The following FZR1 variants were observed in gnomAD, a reference collection of about 807,000 sequenced individuals.
FZR1 encodes fizzy and cell division cycle 20 related 1, also known as fizzy-related protein homolog.
FZR1 carries 11 observed loss-of-function variants against 63.6 expected under a neutral mutation model. The observed-to-expected ratio is 0.17, with a 90% CI of 0.11 to 0.29. The LOEUF (loss-of-function observed/expected upper bound fraction) is 0.29. FZR1 is among the 10% of genes least tolerant of loss of function. FZR1 has a pLI of 1.00. For synonymous variants in FZR1, 328 were observed against 297.9 expected, an observed-to-expected ratio of 1.10 and a Z score of -1.04; for missense variants, 440 against 687.5, an observed-to-expected ratio of 0.64 and a Z score of 4.03.
At chr19:3,508,493 G>A (rs184848401) in intron 1 of FZR1, among the ~76,000 whole-genome samples, 1 of 152,194 alleles carries the variant, frequency 6.6e-6, no homozygotes, top group African/African-American at 2.4e-5. Context: ...CACCGCGCTC[G>A]GCCTTACGTT....
chr19:3,531,337 T>C (rs975843950), intron 8 of FZR1, among the ~76,000 whole-genome samples: 8 of 152,024 alleles, frequency 5.3e-5, no homozygotes, highest in African/African-American at 1.9e-4. Flanking sequence ...CCATCCATCT[T>C]AGGTTTTCAT....
intron 6 of FZR1, 118 bp downstream of exon 6, chr19:3,527,180 G>A (rs1372239067): frequency 3.6e-6 from 3 of 824,054 alleles, no homozygotes; most frequent in Middle Eastern, 2.2e-4. Flanking sequence ...CGAGGCTGAA[G>A]GGGGCTTCCC....
intron 1 of FZR1, among the ~76,000 whole-genome samples, chr19:3,520,506 G>A (rs971700460): frequency 6.6e-6 from 1 of 152,186 alleles, no homozygotes; most frequent in African/African-American, 2.4e-5. Context: ...GGCGGTGGGC[G>A]CTGGCACCCG....
rs1352296861 is a variant in FZR1, at chr19:3,534,942, CGGCTGGGCGGGCGGGG to C, written c.*107_*122del. The C allele has an allele frequency of 7.5e-6, 7 of 929,450 alleles. No individual in the cohort carries two copies. The highest frequency in any genetic ancestry group is 2.5e-5 in the East Asian group (1 of 40,324). 57.6% of individuals were successfully genotyped at this position (929,450 alleles called of 1,614,324 possible). On this transcript the variant is annotated 3_prime_UTR_variant, in exon 14 of 14. Coordinates refer to ENST00000441788, the MANE Select transcript of FZR1 (RefSeq NM_016263.4). ...CCCAGCGCTTGTCCCCCGAGGAAGG[CGGCTGGGCGGGCGGGG>C]AGCTGGGCCTGGAGGATCCTGGAGT... is the stretch of plus-strand genomic sequence containing the variant.
chr19:3,531,058 C>T (rs1387935105), intron 8 of FZR1, among the ~76,000 whole-genome samples: 1 of 152,048 alleles, frequency 6.6e-6, no homozygotes, highest in Admixed American at 6.5e-5. Context: ...CCACCAGGCC[C>T]CTAGAAAGGA....
intron 1 of FZR1, among the ~76,000 whole-genome samples, chr19:3,508,667 C>T (rs979632485): frequency 7.9e-5 from 12 of 152,152 alleles, no homozygotes; most frequent in African/African-American, 2.9e-4. Flanking sequence ...TAGGGCCGCT[C>T]CCGGGGACTC....
intron 2 of FZR1, among the ~76,000 whole-genome samples, chr19:3,523,351 G>C (rs1173973947): frequency 6.6e-6 from 1 of 152,198 alleles, no homozygotes; most frequent in Non-Finnish European, 1.5e-5. Context: ...GAGCCTTTAG[G>C]GAGACCCGTT....
intron 1 of FZR1, among the ~76,000 whole-genome samples, chr19:3,509,884 C>T (rs1464108592): frequency 6.6e-6 from 1 of 152,130 alleles, no homozygotes; most frequent in Non-Finnish European, 1.5e-5. Context: ...CAGTGTCTGC[C>T]TGTTGTGAGT....
chr19:3,518,299 T>A (rs1403225511), intron 1 of FZR1, among the ~76,000 whole-genome samples: 4 of 152,196 alleles, frequency 2.6e-5, no homozygotes, highest in African/African-American at 9.6e-5. Context: ...GTATTTTTTG[T>A]AGAAACGGGG....
chr19:3,533,123 C>T lies in FZR1; in HGVS notation c.1243-171C>T, dbSNP rs2083264664. On this transcript the variant is annotated intron_variant, in intron 11 of 13. Coordinates refer to ENST00000441788, the MANE Select transcript of FZR1 (RefSeq NM_016263.4). This position sits in a 1 kb window ranked among gnomAD's most constrained non-coding sequence, Gnocchi z 4.9. Reference sequence around the variant, plus strand: ...AGGGGTCCACCTGTGGCCTCCACACCTCCTAGACAGACTCAGGTGGCAGAG... The same window carrying T: ...AGGGGTCCACCTGTGGCCTCCACACTTCCTAGACAGACTCAGGTGGCAGAG... 6.6e-6 allele frequency among the ~76,000 whole-genome samples: 1 copy of T among 152,220 alleles called. No homozygotes were observed. Among genetic ancestry groups the T allele is most frequent in the Admixed American group, 6.5e-5 (1 of 15,298 alleles).
In FZR1 at chr19:3,526,330, C is replaced by A. The variant is rs2083157370; in HGVS notation, c.331C>A (p.Gln111Lys). 6.2e-7 allele frequency: 1 copy of A among 1,603,306 alleles called. No homozygotes were observed. Among genetic ancestry groups the A allele is most frequent in the African/African-American group, 1.3e-5 (1 of 74,602 alleles). Residue 111 changes from glutamine (Q) to lysine (K), a missense_variant, in exon 5 of 14, where the codon CAG (glutamine) becomes AAG (lysine). Transcript: ENST00000441788. The surrounding 1 kb of genome is among the most constrained non-coding windows in gnomAD (Gnocchi z 5.4). ...GAGIEKVQDP[Q>K]TEDRRLQPST... ...CGGCATCGAGAAGGTGCAGGACCCG[C>A]AGACTGAGGACCGCAGGCTGCAGCC...
chr19:3,515,267 C>G lies in FZR1; in HGVS notation c.-34-7689C>G, dbSNP rs1045015609. On this transcript the variant is annotated intron_variant, in intron 1 of 13. Transcript: ENST00000441788. The surrounding 1 kb of genome is among the most constrained non-coding windows in gnomAD (Gnocchi z 4.6). ...ACCCGGTCTGAGCCTTTCCACACGG[C>G]CACACACGTTGTCTGTGCTCAGGAA... Among the ~76,000 whole-genome samples, 1 of 152,214 alleles carries G rather than the reference C, an allele frequency of 6.6e-6. No individual in the cohort carries two copies. The highest frequency in any genetic ancestry group is 6.5e-5 in the Admixed American group (1 of 15,286).
At chr19:3,517,643 G>A (rs1226643229) in intron 1 of FZR1, among the ~76,000 whole-genome samples, 2 of 151,836 alleles carry the variant, frequency 1.3e-5, no homozygotes, top group East Asian at 2.0e-4. Context: ...TGCCGAGATT[G>A]CACCACTGCA....
intron 7 of FZR1, among the ~76,000 whole-genome samples, chr19:3,530,572 G>T: frequency 6.6e-6 from 1 of 151,652 alleles, no homozygotes; most frequent in East Asian, 1.9e-4. Flanking sequence ...GTGGATGAGA[G>T]TGGATGGGAA....
At chr19:3,531,843 T>C in intron 9 of FZR1, 27 bp downstream of exon 9, 9 of 1,549,470 alleles carry the variant, frequency 5.8e-6, no homozygotes, top group Non-Finnish European at 7.9e-6. Flanking sequence ...CCATGGCTGG[T>C]GAGCTCCCTG....
intron 1 of FZR1, among the ~76,000 whole-genome samples, chr19:3,510,504 T>G (rs924922660): frequency 2.0e-5 from 3 of 152,180 alleles, no homozygotes; most frequent in Non-Finnish European, 4.4e-5. Context: ...TCCCTTCTGT[T>G]GTGAATCTTC....
chr19:3,510,415 G>A lies in FZR1; in HGVS notation c.-35+3941G>A, dbSNP rs542141169. Among the ~76,000 whole-genome samples the A allele has an allele frequency of 4.6e-5, 7 of 152,350 alleles. No individual in the cohort carries two copies. The East Asian group carries it at 5.8e-4, about 13-fold the overall frequency. On this transcript the variant is annotated intron_variant, in intron 1 of 13. Coordinates refer to ENST00000441788, the MANE Select transcript of FZR1 (RefSeq NM_016263.4). ...CTCCCAAAGCTCTGGGATTACTGGCGGAGCCAGCATGCCCGGCCACACTGC... is the reference window on the plus strand; with the variant it reads ...CTCCCAAAGCTCTGGGATTACTGGCAGAGCCAGCATGCCCGGCCACACTGC...
At chr19:3,527,987 AGCCCTCCCAGCCATG>A (rs1181850893) in intron 7 of FZR1, among the ~76,000 whole-genome samples, 173 bp downstream of exon 7, 2 of 129,880 alleles carry the variant, frequency 1.5e-5, no homozygotes, top group Non-Finnish European at 3.3e-5. Context: ...CTACCCTCCC[AGCCCTCCCAGCCATG>A]GCCCTCCCAG....
chr19:3,528,929 T>G (rs374378835), intron 7 of FZR1, among the ~76,000 whole-genome samples: 803 of 140,754 alleles, frequency 5.7e-3, no homozygotes, highest in Non-Finnish European at 8.4e-3. Context: ...TGGGAGAGTG[T>G]ATGGGAGTGG....
Sources: allele counts gnomAD v4.1 joint callset (sites outside exome capture counted in the v4.1 genomes callset), GRCh38; gene constraint gnomAD v4.1.1; non-coding constraint Gnocchi (gnomAD v3.1); transcripts MANE v1.5; gene names NCBI Gene and HGNC (gene_info 2026-07-23, HGNC 2026-07-21).